XYLT1: variants seen among roughly 807,000 people sequenced by gnomAD.
XYLT1 encodes xylosyltransferase 1, also known as beta-D-xylosyltransferase 1.
In XYLT1, 36 loss-of-function variants were observed where a neutral mutation model predicts 91.3. The ratio of observed to expected loss-of-function variants is 0.39; its 90% CI spans 0.30 to 0.52. The LOEUF (loss-of-function observed/expected upper bound fraction) is 0.52, where lower values mean the gene tolerates loss of function less well. XYLT1 is among the 20% of genes least tolerant of loss of function. The pLI is 0.68. For missense variants in XYLT1, 1,242 were observed against 1,284.5 expected (o/e 0.97, Z 0.51); for synonymous variants, 588 against 532.0 (o/e 1.11, Z -1.45).
intron 2 of XYLT1, among the ~76,000 whole-genome samples, chr16:17,305,693 C>T (rs922823276): frequency 2.0e-5 from 3 of 152,150 alleles, no homozygotes; most frequent in South Asian, 4.1e-4. Flanking sequence ...GGATTATAGA[C>T]GTGAATACCT....
chr16:17,190,416 G>C (rs921705371), intron 5 of XYLT1, among the ~76,000 whole-genome samples: 2 of 151,500 alleles, frequency 1.3e-5, no homozygotes, highest in Admixed American at 1.3e-4. Flanking sequence ...ATTACATTAG[G>C]TATATCTCCT....
intron 2 of XYLT1, among the ~76,000 whole-genome samples, chr16:17,301,245 T>C (rs963924584): frequency 6.6e-6 from 1 of 152,012 alleles, no homozygotes; most frequent in African/African-American, 2.4e-5. Flanking sequence ...ACTCTGTCTC[T>C]ACTACAAATA....
chr16:17,340,790 A>C (rs182502428), intron 2 of XYLT1, among the ~76,000 whole-genome samples: 92 of 152,342 alleles, frequency 6.0e-4, no homozygotes, highest in Middle Eastern at 3.4e-3. Flanking sequence ...GCACATAGTA[A>C]ATGCTCAACA....
intron 11 of XYLT1, among the ~76,000 whole-genome samples, chr16:17,116,719 C>G (rs1966853021): frequency 6.6e-6 from 1 of 152,216 alleles, no homozygotes; most frequent in Non-Finnish European, 1.5e-5. Flanking sequence ...CTAGGAGATA[C>G]TAAAACATTT....
At chr16:17,124,465 T>C (rs1243730442) in intron 10 of XYLT1, among the ~76,000 whole-genome samples, 1 of 152,226 alleles carries the variant, frequency 6.6e-6, no homozygotes, top group Non-Finnish European at 1.5e-5. Flanking sequence ...GTAGTGTTTC[T>C]GCTGTGAGAA....
chr16:17,318,557 T>C (rs946858693), intron 2 of XYLT1, among the ~76,000 whole-genome samples: 1 of 152,232 alleles, frequency 6.6e-6, no homozygotes, highest in Non-Finnish European at 1.5e-5. Context: ...AGATGATGTT[T>C]GTGCTTTAGC....
chr16:17,343,455 G>C (rs7205229), intron 2 of XYLT1, among the ~76,000 whole-genome samples: 21,292 of 152,022 alleles, frequency 0.14, 2,102 homozygotes, highest in African/African-American at 0.27. Flanking sequence ...TTGTGCTGGC[G>C]TTTTAGTTTT....
chr16:17,318,183 G>A (rs2034665212), intron 2 of XYLT1, among the ~76,000 whole-genome samples: 2 of 152,176 alleles, frequency 1.3e-5, no homozygotes, highest in Non-Finnish European at 2.9e-5. Flanking sequence ...ACACATAGCG[G>A]ATGCTGAATA....
intron 1 of XYLT1, among the ~76,000 whole-genome samples, chr16:17,438,903 G>A (rs2036496430): frequency 6.6e-6 from 1 of 152,074 alleles, no homozygotes. Context: ...TGAGATTTGG[G>A]TGGGGACACA....
At chr16:17,110,406 T>G (rs778667077) in intron 11 of XYLT1, among the ~76,000 whole-genome samples, 2 of 152,284 alleles carry the variant, frequency 1.3e-5, no homozygotes, top group South Asian at 4.1e-4. Flanking sequence ...GTTCTTGTGA[T>G]AGTGAATAAG....
At chr16:17,460,727 G>A (rs929462058) in intron 1 of XYLT1, among the ~76,000 whole-genome samples, 4 of 152,096 alleles carry the variant, frequency 2.6e-5, no homozygotes, top group East Asian at 3.8e-4. Flanking sequence ...CTGTATTGCC[G>A]GATCTTATGA....
intron 2 of XYLT1, among the ~76,000 whole-genome samples, chr16:17,274,730 A>G (rs2033946678): frequency 6.6e-6 from 1 of 152,162 alleles, no homozygotes; most frequent in South Asian, 2.1e-4. Context: ...GACAAAGGAA[A>G]AAAGGGCTTT....
Position 17,200,509 on chromosome 16 carries a change from G to T in XYLT1, c.1059C>A (p.Asp353Glu). The T allele has an allele frequency of 6.2e-7, 1 of 1,614,116 alleles. No individual in the cohort carries two copies. Among genetic ancestry groups the T allele is most frequent in the Non-Finnish European group, 8.5e-7 (1 of 1,179,960 alleles). ...TGTCCACGTGGATGTAGTAGAAGTG[G>T]TCTTTGTGGTAGATGGCCTTGAACA... ...QRMFKAIYHK[D>E]HFYYIHVDKR... The change falls in exon 4 of 12, where the codon GAC (aspartate) becomes GAA (glutamate). Residue 353 changes from aspartate (D) to glutamate (E), a missense_variant. Transcript: ENST00000261381.
intron 2 of XYLT1, among the ~76,000 whole-genome samples, chr16:17,274,733 AG>A (rs2033946713): frequency 6.6e-6 from 1 of 152,162 alleles, no homozygotes; most frequent in Non-Finnish European, 1.5e-5. Flanking sequence ...AAAGGAAAAA[AG>A]GGCTTTCCAG....
At chr16:17,156,952 T>A (rs1394222457) in intron 6 of XYLT1, among the ~76,000 whole-genome samples, 1 of 151,980 alleles carries the variant, frequency 6.6e-6, no homozygotes, top group Non-Finnish European at 1.5e-5. Context: ...TACTTTTTTT[T>A]TTTTTTCTAT....
intron 2 of XYLT1, among the ~76,000 whole-genome samples, chr16:17,330,157 C>T (rs2034872982): frequency 6.8e-6 from 1 of 148,132 alleles, no homozygotes; most frequent in South Asian, 2.2e-4. Flanking sequence ...TCCACATGGG[C>T]AGGAGCCATA....
At position 17,372,989 on chromosome 16, in the gene XYLT1, A is replaced by G. The variant is rs112722981; in HGVS notation, c.364-14939T>C. On this transcript the variant is annotated intron_variant, in intron 1 of 11. Transcript: ENST00000261381. ...TTTTCTAACACGTTCTTGACCTCAC[A>G]TGTACTCACTGCATTATGGGCCATT... Among the ~76,000 whole-genome samples the G allele has an allele frequency of 4.3e-3, 650 of 152,324 alleles. 2 individuals carry two copies. The highest frequency in any genetic ancestry group is 0.015 in the African/African-American group (604 of 41,576).
rs1173776484 is a variant in XYLT1, at chr16:17,470,792, A to G, written c.5T>C (p.Val2Ala). 3 of 1,005,410 alleles carry G rather than the reference A, an allele frequency of 3.0e-6. No individual in the cohort carries two copies. The highest frequency in any genetic ancestry group is 3.9e-5 in the South Asian group (1 of 25,660). 62.3% of individuals were successfully genotyped at this position (1,005,410 alleles called of 1,614,324 possible). ...CAGCCTCCGGGCGCACGGCGCCGCC[A>G]CCATCTTCGGAGCGCGGCCGGCGAG... Reference protein sequence around the residue: MVAAPCARRLAR... With the variant: MAAAPCARRLAR... Residue 2 changes from valine to alanine, a missense_variant, in exon 1 of 12, where the codon GTG becomes GCG. Transcript: ENST00000261381.
intron 3 of XYLT1, among the ~76,000 whole-genome samples, chr16:17,233,355 G>C (rs1047207014): frequency 6.6e-6 from 1 of 152,228 alleles, no homozygotes; most frequent in African/African-American, 2.4e-5. Context: ...TGCCAGTGCT[G>C]AGCAAAGCAA....
Sources: gnomAD v4.1 joint callset for allele counts (sites outside exome capture counted in the v4.1 genomes callset) on GRCh38, gnomAD v4.1.1 for gene constraint, MANE v1.5 for transcripts, NCBI Gene and HGNC (gene_info 2026-07-23, HGNC 2026-07-21) for gene names.